MREG: variants seen among roughly 807,000 people sequenced by gnomAD.
The protein encoded by MREG is melanoregulin, also known as dilute suppressor protein homolog.
Under a neutral mutation model 28.5 loss-of-function variants are expected in MREG, and 31 were observed. The ratio of observed to expected loss-of-function variants is 1.09; its 90% CI spans 0.82 to 1.47. MREG has a LOEUF of 1.47. MREG is among the 40% of genes most tolerant of loss of function. The pLI is 0.00. For synonymous variants in MREG, 106 were observed against 95.2 expected, an observed-to-expected ratio of 1.11 and a Z score of -0.66; for missense variants, 256 against 257.4, an observed-to-expected ratio of 0.99 and a Z score of 0.04.
At chr2:215,949,071 A>G (rs1168430649) in intron 2 of MREG, among the ~76,000 whole-genome samples, 1 of 139,468 alleles carries the variant, frequency 7.2e-6, no homozygotes, top group Non-Finnish European at 1.6e-5. Context: ...TACTACTACT[A>G]CTACTACTAC....
intron 1 of MREG, among the ~76,000 whole-genome samples, chr2:216,028,747 T>C (rs1694635287): frequency 6.6e-6 from 1 of 152,086 alleles, no homozygotes; most frequent in African/African-American, 2.4e-5. Context: ...AGTGTTAAGG[T>C]AATGCATATT....
intron 2 of MREG, among the ~76,000 whole-genome samples, chr2:215,989,854 T>C (rs1574632322): frequency 1.3e-5 from 2 of 151,704 alleles, no homozygotes; most frequent in African/African-American, 2.4e-5. Context: ...GAAAAAAGAA[T>C]GAAAAGGAGT....
intron 1 of MREG, among the ~76,000 whole-genome samples, chr2:216,010,354 C>T (rs375329113): frequency 0.013 from 1,216 of 94,394 alleles, 32 homozygotes; most frequent in African/African-American, 0.047. Flanking sequence ...AAAGATTTCT[C>T]TTTTTTTTTT....
intron 1 of MREG, among the ~76,000 whole-genome samples, chr2:216,029,408 G>A (rs1694645919): frequency 6.6e-6 from 1 of 152,294 alleles, no homozygotes; most frequent in South Asian, 2.1e-4. Context: ...AACCTGGGAG[G>A]TAGAGGTTGC....
chr2:215,976,192 G>A (rs1177355334), intron 2 of MREG, among the ~76,000 whole-genome samples: 6 of 151,682 alleles, frequency 4.0e-5, no homozygotes, highest in East Asian at 1.9e-4. Flanking sequence ...AACAATCTGC[G>A]TGTTTCACTC....
At chr2:216,023,859 G>A (rs1373135836) in intron 1 of MREG, among the ~76,000 whole-genome samples, 8 of 152,078 alleles carry the variant, frequency 5.3e-5, no homozygotes, top group African/African-American at 1.7e-4. Context: ...GTAGAGACAC[G>A]GTTTCACCAT....
At chr2:215,989,968 C>T (rs1693679589) in intron 2 of MREG, among the ~76,000 whole-genome samples, 1 of 152,134 alleles carries the variant, frequency 6.6e-6, no homozygotes, top group African/African-American at 2.4e-5. Context: ...TTGGAAAACA[C>T]TCTTCAGGAT....
At chr2:216,006,264 T>C (rs1694152095) in intron 1 of MREG, among the ~76,000 whole-genome samples, 1 of 152,224 alleles carries the variant, frequency 6.6e-6, no homozygotes, top group African/African-American at 2.4e-5. Flanking sequence ...AGAAAACCTT[T>C]AAAAGTCATC....
intron 1 of MREG, among the ~76,000 whole-genome samples, chr2:216,024,698 AC>A (rs774915108): frequency 1.6e-4 from 24 of 151,698 alleles, no homozygotes; most frequent in African/African-American, 5.8e-4. Flanking sequence ...ACATGGTGAA[AC>A]CCCATCTCTA....
intron 2 of MREG, among the ~76,000 whole-genome samples, chr2:215,982,842 C>T (rs13014394): frequency 0.21 from 31,911 of 152,076 alleles, 3,479 homozygotes; most frequent in South Asian, 0.26. Flanking sequence ...AGTCAAAATG[C>T]CTCTTTCATA....
chr2:215,980,417 A>T (rs1387981047), intron 2 of MREG, among the ~76,000 whole-genome samples: 1 of 152,172 alleles, frequency 6.6e-6, no homozygotes, highest in Admixed American at 6.5e-5. Flanking sequence ...AGTTACAAAA[A>T]GCTCCCCAGT....
chr2:215,963,975 T>C (rs942095832), intron 2 of MREG, among the ~76,000 whole-genome samples: 2 of 152,204 alleles, frequency 1.3e-5, no homozygotes, highest in East Asian at 3.8e-4. Context: ...CCTTTCAGTT[T>C]ACAAAAATGT....
At chr2:216,013,100 C>A in intron 1 of MREG, 133 bp downstream of exon 1, 1 of 716,016 alleles carries the variant, frequency 1.4e-6, no homozygotes, top group Non-Finnish European at 2.3e-6. Context: ...AACCAAGGGG[C>A]TGAGATGGCG....
chr2:215,983,878 A>G (rs1008982020), intron 2 of MREG, among the ~76,000 whole-genome samples: 1 of 152,222 alleles, frequency 6.6e-6, no homozygotes, highest in Non-Finnish European at 1.5e-5. Flanking sequence ...CTTAAAGGAT[A>G]AGCGTAGAAT....
intron 2 of MREG, among the ~76,000 whole-genome samples, chr2:215,992,002 T>C (rs1183168081): frequency 6.6e-6 from 1 of 152,122 alleles, no homozygotes; most frequent in African/African-American, 2.4e-5. Context: ...TCTGAAACTA[T>C]TAGAAACCAC....
intron 2 of MREG, among the ~76,000 whole-genome samples, chr2:215,958,102 G>A (rs952008295): frequency 6.9e-6 from 1 of 145,596 alleles, no homozygotes; most frequent in African/African-American, 2.6e-5. Context: ...ACCGGGGACT[G>A]TTGTGGGGTG....
At chr2:215,965,608 T>C (rs1379118511) in intron 2 of MREG, among the ~76,000 whole-genome samples, 1 of 152,236 alleles carries the variant, frequency 6.6e-6, no homozygotes, top group Admixed American at 6.5e-5. Flanking sequence ...GTCAACCCTT[T>C]CCTAATTATT....
intron 2 of MREG, among the ~76,000 whole-genome samples, chr2:215,950,937 C>T (rs1475018964): frequency 6.6e-6 from 1 of 152,150 alleles, no homozygotes; most frequent in East Asian, 1.9e-4. Flanking sequence ...GGTGCTGTCT[C>T]GTGATAGAGT....
In MREG at chr2:215,943,324, A is replaced by G. The variant is rs1277624460; in HGVS notation, c.*1539T>C. On this transcript the variant is annotated 3_prime_UTR_variant, in exon 5 of 5. Transcript: ENST00000263268. ...GCTGGACTTCTCAATCTGTAGAGAG[A>G]AGCAAGCTGCATTCACAGCATTGCT... 2.2e-6 allele frequency: 1 copy of G among 452,016 alleles called. No individual in the cohort carries two copies. The highest frequency in any genetic ancestry group is 7.0e-5 in the East Asian group (1 of 14,332). 28.0% of individuals were successfully genotyped at this position (452,016 alleles called of 1,614,324 possible). A position where few individuals can be genotyped will look rare whatever the true frequency, so the allele number is the denominator to read the frequency against.
Sources: allele counts gnomAD v4.1 joint callset (sites outside exome capture counted in the v4.1 genomes callset), GRCh38; gene constraint gnomAD v4.1.1; transcripts MANE v1.5; gene names NCBI Gene and HGNC (gene_info 2026-07-23, HGNC 2026-07-21).